Variants in CDK8 observed in about 807,000 individuals in gnomAD.
CDK8 encodes cyclin dependent kinase 8.
CDK8 carries 29 observed loss-of-function variants against 71.5 expected under a neutral mutation model. The ratio of observed to expected loss-of-function variants is 0.41; its 90% CI spans 0.30 to 0.55. CDK8 has a LOEUF of 0.55. CDK8 is among the 20% of genes least tolerant of loss of function. The pLI, the probability that CDK8 is intolerant of heterozygous loss-of-function variation, is 0.37. For synonymous variants in CDK8, 161 were observed against 192.1 expected (o/e 0.84, Z 1.34); for missense variants, 288 against 572.6 (o/e 0.50, Z 5.07).
intron 9 of CDK8, among the ~76,000 whole-genome samples, chr13:26,398,700 G>A (rs1593313752): frequency 6.6e-6 from 1 of 152,090 alleles, no homozygotes; most frequent in Admixed American, 6.5e-5. Flanking sequence ...TCGGCCTGGC[G>A]TGGTAGCTCA....
At chr13:26,360,362 T>C (rs1376125078) in intron 4 of CDK8, among the ~76,000 whole-genome samples, 1 of 152,164 alleles carries the variant, frequency 6.6e-6, no homozygotes, top group Non-Finnish European at 1.5e-5. Flanking sequence ...TGATATGTAG[T>C]CCAGCTCCAA....
intron 1 of CDK8, among the ~76,000 whole-genome samples, chr13:26,262,719 C>G (rs1871826568): frequency 6.6e-6 from 1 of 152,164 alleles, no homozygotes; most frequent in South Asian, 2.1e-4. Context: ...ATCTGTATTT[C>G]TAAAATTAAG....
intron 1 of CDK8, among the ~76,000 whole-genome samples, chr13:26,288,776 T>G (rs551583157): frequency 1.3e-5 from 2 of 152,232 alleles, no homozygotes; most frequent in Admixed American, 6.5e-5. Flanking sequence ...TTGGGTTGAT[T>G]TTAGACAGAA....
intron 1 of CDK8, among the ~76,000 whole-genome samples, chr13:26,295,327 A>G (rs1012501016): frequency 6.6e-6 from 1 of 152,172 alleles, no homozygotes; most frequent in South Asian, 2.1e-4. Context: ...AAAATACCTT[A>G]TTAATAAAGG....
rs1566000931 is a variant in CDK8 at position 26,401,471 on chromosome 13, C to T, written c.1116C>T (p.Asn372=). 1.2e-6 allele frequency: 2 copies of T among 1,613,526 alleles called. No homozygotes were observed. Among genetic ancestry groups the T allele is most frequent in the South Asian group, 2.2e-5 (2 of 91,044 alleles). Residue 372 remains asparagine, a synonymous_variant, in exon 12 of 13, where the codon AAC becomes AAT. Transcript: ENST00000381527. The surrounding 1 kb of genome is among the most constrained non-coding windows in gnomAD (Gnocchi z 4.5). ...TTTCTGTTTAACCAATTGAGAAGAA[C>T]CAGCAGCAGCAGCAGGGCAATAACC... ...EEPDDKGDKK[N]QQQQQGNNHT...
rs141200625 is a variant in CDK8, at chr13:26,259,305, G to T, written c.128+4536G>T. Among the ~76,000 whole-genome samples, 1,112 of 152,168 alleles carry T rather than the reference G, an allele frequency of 7.3e-3. 11 individuals carry two copies. Among genetic ancestry groups the T allele is most frequent in the South Asian group, 0.032 (152 of 4,810 alleles). ...TGGTTCAAAAATTTTCGAGGGGGTA[G>T]GGGGAAGGATAGTTGCATCTCTACT... On this transcript the variant is annotated intron_variant, in intron 1 of 12. Coordinates refer to ENST00000381527, the MANE Select transcript of CDK8 (RefSeq NM_001260.3).
chr13:26,282,332 C>T (rs1872786000), intron 1 of CDK8, among the ~76,000 whole-genome samples: 1 of 152,058 alleles, frequency 6.6e-6, no homozygotes, highest in African/African-American at 2.4e-5. Flanking sequence ...CATCAGGTAA[C>T]CTATAAAGGA....
At chr13:26,341,836 A>G (rs564372121) in intron 2 of CDK8, among the ~76,000 whole-genome samples, 13 of 26,290 alleles carry the variant, frequency 4.9e-4, no homozygotes, top group African/African-American at 2.2e-3. Flanking sequence ...TCAGAAAATA[A>G]GATTTTTTTT....
Position 26,319,338 on chromosome 13 carries a change from G to A in CDK8, c.129-18229G>A, listed in dbSNP as rs577947900. Among the ~76,000 whole-genome samples the A allele has an allele frequency of 7.9e-5, 12 of 152,016 alleles. No homozygotes were observed. The East Asian group carries it at 1.4e-3, about 17-fold the overall frequency. On this transcript the variant is annotated intron_variant, in intron 1 of 12. Transcript: ENST00000381527. ...CAAAAAAACAGCTGGGCGTGGTGGCGGATGCCTGTAATTCCAGCTACTCAG... is the reference window on the plus strand; with the variant it reads ...CAAAAAAACAGCTGGGCGTGGTGGCAGATGCCTGTAATTCCAGCTACTCAG...
At chr13:26,332,045 C>T (rs1872781856) in intron 1 of CDK8, among the ~76,000 whole-genome samples, 1 of 152,154 alleles carries the variant, frequency 6.6e-6, no homozygotes, top group East Asian at 1.9e-4. Flanking sequence ...TAGATTTACT[C>T]CTGGGTATTT....
At chr13:26,270,452 A>T (rs144207019) in intron 1 of CDK8, among the ~76,000 whole-genome samples, 194 of 151,976 alleles carry the variant, frequency 1.3e-3, no homozygotes, top group African/African-American at 3.7e-3. Flanking sequence ...ATATATTCAC[A>T]GGGTTGTGCA....
chr13:26,378,932 T>A (rs917614197), intron 4 of CDK8, among the ~76,000 whole-genome samples: 3 of 152,204 alleles, frequency 2.0e-5, no homozygotes, highest in Non-Finnish European at 4.4e-5. Context: ...AAAACAAAAA[T>A]TATTCATCAA....
At chr13:26,300,208 A>G (rs925063059) in intron 1 of CDK8, among the ~76,000 whole-genome samples, 5 of 152,272 alleles carry the variant, frequency 3.3e-5, no homozygotes, top group African/African-American at 1.2e-4. Context: ...CAGGAGAGAT[A>G]CCTTTCAAGA....
At chr13:26,397,405 A>G (rs902450559) in intron 9 of CDK8, among the ~76,000 whole-genome samples, 180 bp downstream of exon 9, 8 of 152,054 alleles carry the variant, frequency 5.3e-5, no homozygotes, top group African/African-American at 1.9e-4. Context: ...GCTCTTCCAG[A>G]CTCATATCAT....
chr13:26,287,695 C>A (rs1037893187), intron 1 of CDK8, among the ~76,000 whole-genome samples: 2 of 151,890 alleles, frequency 1.3e-5, no homozygotes, highest in South Asian at 4.2e-4. Flanking sequence ...AACCACACAC[C>A]GCCTGTTCCC....
chr13:26,349,310 T>C, intron 3 of CDK8, 128 bp downstream of exon 3: 1 of 632,434 alleles, frequency 1.6e-6, no homozygotes, highest in Non-Finnish European at 2.8e-6. Flanking sequence ...TAGAGTGTGG[T>C]TGGTGGCATG....
At chr13:26,262,584 G>T (rs960036977) in intron 1 of CDK8, among the ~76,000 whole-genome samples, 1 of 152,156 alleles carries the variant, frequency 6.6e-6, no homozygotes, top group Non-Finnish European at 1.5e-5. Flanking sequence ...CAATCCAAAG[G>T]CAAGAGCAAG....
intron 1 of CDK8, among the ~76,000 whole-genome samples, chr13:26,316,232 T>C (rs182803605): frequency 1.3e-5 from 2 of 152,242 alleles, no homozygotes; most frequent in East Asian, 3.9e-4. Flanking sequence ...TGGTTGCACA[T>C]ACCTGTAGTC....
rs528464887 is a variant in CDK8, at chr13:26,277,649, A to G, written c.128+22880A>G. On this transcript the variant is annotated intron_variant, in intron 1 of 12. Coordinates refer to ENST00000381527, the MANE Select transcript of CDK8 (RefSeq NM_001260.3). The stretch of plus-strand genomic sequence containing the variant: ...ATTTGAAGTATAGAAGACTGTGATC[A>G]TATAGGTAAGTTGAACTTGTTTTTA... Among the ~76,000 whole-genome samples the G allele has an allele frequency of 2.0e-5, 3 of 152,316 alleles. No homozygotes were observed. In the South Asian group the frequency reaches 6.2e-4, roughly 32 times the overall value.
Sources: allele counts gnomAD v4.1 joint callset (sites outside exome capture counted in the v4.1 genomes callset), GRCh38; gene constraint gnomAD v4.1.1; non-coding constraint Gnocchi (gnomAD v3.1); transcripts MANE v1.5; gene names NCBI Gene and HGNC (gene_info 2026-07-23, HGNC 2026-07-21).